Variants in CAMK2D observed in about 807,000 individuals in gnomAD.
The protein encoded by CAMK2D is calcium/calmodulin-dependent protein kinase type II subunit delta.
CAMK2D carries 37 observed loss-of-function variants against 84.0 expected under a neutral mutation model. That is an observed-to-expected ratio of 0.44 (90% confidence interval 0.34 to 0.58). The LOEUF is 0.58. Ranked by LOEUF, CAMK2D falls within the 20% of genes least tolerant of loss-of-function variation. The pLI is 0.02. For synonymous variants in CAMK2D, 202 were observed against 212.5 expected, an observed-to-expected ratio of 0.95 and a Z score of 0.43; for missense variants, 448 against 652.5, an observed-to-expected ratio of 0.69 and a Z score of 3.41.
intron 10 of CAMK2D, among the ~76,000 whole-genome samples, chr4:113,514,624 T>C (rs1237029886): frequency 6.6e-6 from 1 of 152,204 alleles, no homozygotes; most frequent in East Asian, 1.9e-4. Context: ...TTAATATTTC[T>C]AAAATATATT....
At position 113,563,987 on chromosome 4, in the gene CAMK2D, T is replaced by TA. The variant is rs545915612; in HGVS notation, c.276-11892dup. On this transcript the variant is annotated intron_variant, in intron 4 of 20. Coordinates refer to ENST00000511664, the MANE Select transcript of CAMK2D (RefSeq NM_001321571.2). ...GCTAACCTAGAATTTAAAAAATCCTTAGAGAATCTATGAAATAGAGACTCT... is the reference window on the plus strand; with the variant it reads ...GCTAACCTAGAATTTAAAAAATCCTTAAGAGAATCTATGAAATAGAGACTCT... 2.4e-3 allele frequency among the ~76,000 whole-genome samples: 360 copies of TA among 152,332 alleles called. 1 individual carries two copies. Among genetic ancestry groups the TA allele is most frequent in the African/African-American group, 8.2e-3 (341 of 41,572 alleles).
At chr4:113,622,754 C>A (rs977708409) in intron 3 of CAMK2D, among the ~76,000 whole-genome samples, 1 of 152,118 alleles carries the variant, frequency 6.6e-6, no homozygotes. Flanking sequence ...ACAATGAAAC[C>A]CTGCCTCAAA....
At chr4:113,485,513 C>T (rs767097264) in intron 16 of CAMK2D, among the ~76,000 whole-genome samples, 1 of 152,180 alleles carries the variant, frequency 6.6e-6, no homozygotes, top group Non-Finnish European at 1.5e-5. Context: ...CAAAACTCAA[C>T]CCTCCCTTGA....
chr4:113,617,424 C>G (rs1465239272), intron 3 of CAMK2D, among the ~76,000 whole-genome samples: 7 of 150,686 alleles, frequency 4.6e-5, no homozygotes, highest in Non-Finnish European at 7.4e-5. Context: ...GAAATCGCCA[C>G]TGTACTCCAG....
chr4:113,649,732 C>T (rs1386206244), intron 3 of CAMK2D, among the ~76,000 whole-genome samples: 1 of 152,192 alleles, frequency 6.6e-6, no homozygotes, highest in Admixed American at 6.5e-5. Flanking sequence ...TCTACCAGTA[C>T]TTTAGCTACA....
intron 2 of CAMK2D, among the ~76,000 whole-genome samples, chr4:113,663,587 T>TAAA (rs2099244780): frequency 7.0e-6 from 1 of 142,592 alleles, no homozygotes; most frequent in African/African-American, 2.6e-5. Context: ...AGGCTCTGTC[T>TAAA]AAAAATAATA....
At chr4:113,562,999 T>G (rs1358897877) in intron 4 of CAMK2D, among the ~76,000 whole-genome samples, 1 of 152,182 alleles carries the variant, frequency 6.6e-6, no homozygotes, top group African/African-American at 2.4e-5. Context: ...GGCTCACACC[T>G]GTAATCCCAG....
intron 16 of CAMK2D, among the ~76,000 whole-genome samples, chr4:113,499,968 C>A (rs1444468994): frequency 6.6e-6 from 1 of 152,050 alleles, no homozygotes; most frequent in Non-Finnish European, 1.5e-5. Flanking sequence ...GTCAAGAATA[C>A]CTTTGGAATG....
At chr4:113,498,703 G>T (rs1439157292) in intron 16 of CAMK2D, among the ~76,000 whole-genome samples, 1 of 152,058 alleles carries the variant, frequency 6.6e-6, no homozygotes, top group Non-Finnish European at 1.5e-5. Flanking sequence ...TCATTGTTAT[G>T]ATTTGAATTG....
intron 16 of CAMK2D, among the ~76,000 whole-genome samples, chr4:113,496,850 T>A (rs17446418): frequency 3.9e-5 from 6 of 152,088 alleles, no homozygotes; most frequent in Non-Finnish European, 8.8e-5. Context: ...TTTTAAACAC[T>A]GAACAAAATT....
intron 3 of CAMK2D, among the ~76,000 whole-genome samples, chr4:113,613,058 G>GA: frequency 6.6e-6 from 1 of 152,048 alleles, no homozygotes; most frequent in Non-Finnish European, 1.5e-5. Flanking sequence ...AATTAAATAT[G>GA]ATAGAAGTTT....
chr4:113,673,940 A>C (rs2099306104), intron 2 of CAMK2D, among the ~76,000 whole-genome samples: 1 of 152,244 alleles, frequency 6.6e-6, no homozygotes, highest in Non-Finnish European at 1.5e-5. Context: ...AAGAGGAATA[A>C]AGTTGTTCCC....
intron 2 of CAMK2D, among the ~76,000 whole-genome samples, chr4:113,715,345 T>C (rs1425576773): frequency 6.6e-6 from 1 of 152,102 alleles, no homozygotes; most frequent in Admixed American, 6.6e-5. Flanking sequence ...AAGGAAATGT[T>C]TCTAGGTTTC....
At chr4:113,644,197 C>T (rs374047290) in intron 3 of CAMK2D, among the ~76,000 whole-genome samples, 2 of 152,194 alleles carry the variant, frequency 1.3e-5, no homozygotes, top group East Asian at 3.9e-4. Flanking sequence ...AAGAAAAAGA[C>T]CTCAATAAAA....
chr4:113,660,838 C>T (rs530966268), intron 3 of CAMK2D, among the ~76,000 whole-genome samples: 1 of 150,600 alleles, frequency 6.6e-6, no homozygotes, highest in Non-Finnish European at 1.5e-5. Flanking sequence ...TCTCTCGTCC[C>T]AGGCTGGAGT....
intron 7 of CAMK2D, among the ~76,000 whole-genome samples, chr4:113,536,855 A>C (rs1041809631): frequency 6.6e-6 from 1 of 152,218 alleles, no homozygotes; most frequent in Non-Finnish European, 1.5e-5. Flanking sequence ...AAAATAACTA[A>C]GGTGAAATAT....
At chr4:113,665,922 T>C (rs1476334845) in intron 2 of CAMK2D, among the ~76,000 whole-genome samples, 3 of 152,212 alleles carry the variant, frequency 2.0e-5, no homozygotes, top group Admixed American at 6.5e-5. Context: ...GAAAGACTTT[T>C]GGATTTTAAA....
chr4:113,713,467 TAA>T (rs2099500765), intron 2 of CAMK2D, among the ~76,000 whole-genome samples: 1 of 148,300 alleles, frequency 6.7e-6, no homozygotes, highest in Non-Finnish European at 1.5e-5. Context: ...TTATTATATG[TAA>T]TATAACAACA....
At chr4:113,641,020 GCACTTAATTA>G (rs1215510661) in intron 3 of CAMK2D, among the ~76,000 whole-genome samples, 2 of 152,096 alleles carry the variant, frequency 1.3e-5, no homozygotes, top group Admixed American at 1.3e-4. Context: ...TCTAATTTGG[GCACTTAATTA>G]CATGCTTCTT....
Sources: gnomAD v4.1 joint callset for allele counts (sites outside exome capture counted in the v4.1 genomes callset) on GRCh38, gnomAD v4.1.1 for gene constraint, MANE v1.5 for transcripts, NCBI Gene and HGNC (gene_info 2026-07-23, HGNC 2026-07-21) for gene names.